The following AHDC1 variants were observed in gnomAD, a reference collection of about 807,000 sequenced individuals.
AHDC1 encodes AT-hook DNA binding motif containing 1, also known as transcription factor Gibbin.
A neutral mutation model predicts 87.9 loss-of-function variants in AHDC1; 7 were observed. That is an observed-to-expected ratio of 0.08 (90% CI 0.05 to 0.15). AHDC1 has a LOEUF of 0.15. Among genes scored for constraint, AHDC1 ranks in the 10% least tolerant of loss-of-function variants. The probability of loss-of-function intolerance (pLI) is 1.00; values close to 1 mark genes in which losing one functional copy is unlikely to be tolerated. For missense variants in AHDC1, 1,841 were observed against 2,253.2 expected, an observed-to-expected ratio of 0.82 and a Z score of 3.70; for synonymous variants, 1,051 against 1,006.8, an observed-to-expected ratio of 1.04 and a Z score of -0.83.
intron 3 of AHDC1, among the ~76,000 whole-genome samples, chr1:27,583,834 C>A (rs953385954): frequency 5.9e-5 from 9 of 152,072 alleles, no homozygotes; most frequent in Non-Finnish European, 1.2e-4. Flanking sequence ...ACATAGTAAC[C>A]ACTAAGTATC....
intron 3 of AHDC1, among the ~76,000 whole-genome samples, chr1:27,587,235 G>A (rs1180750312): frequency 1.3e-5 from 2 of 152,208 alleles, no homozygotes; most frequent in Non-Finnish European, 2.9e-5. Flanking sequence ...CAGTGACCTA[G>A]TAGGAGAGCC....
intron 3 of AHDC1, among the ~76,000 whole-genome samples, chr1:27,568,673 G>A (rs1298163294): frequency 6.6e-6 from 1 of 151,862 alleles, no homozygotes; most frequent in African/African-American, 2.4e-5. Flanking sequence ...CTTCGGACAC[G>A]CCCTCTTCCC....
chr1:27,600,472 A>C (rs1206403966), intron 3 of AHDC1, among the ~76,000 whole-genome samples: 2 of 152,032 alleles, frequency 1.3e-5, no homozygotes, highest in Non-Finnish European at 1.5e-5. Flanking sequence ...CAAAAAAAAA[A>C]AACAAAAAAA....
intron 3 of AHDC1, among the ~76,000 whole-genome samples, chr1:27,592,602 A>C (rs2089257700): frequency 7.4e-6 from 1 of 134,710 alleles, no homozygotes; most frequent in African/African-American, 2.7e-5. Flanking sequence ...CTCTTAGCTG[A>C]GCTGAGGCTG....
rs1025431313 is a variant in AHDC1 at position 27,566,719 on chromosome 1, G to T, written c.-628-7836C>A. Among the ~76,000 whole-genome samples, 3 of 146,890 alleles carry T rather than the reference G, an allele frequency of 2.0e-5. No individual in the cohort carries two copies. The South Asian group carries it at 6.7e-4, about 33-fold the overall frequency. On this transcript the variant is annotated intron_variant, in intron 3 of 8. Coordinates refer to ENST00000673934, the MANE Select transcript of AHDC1 (RefSeq NM_001371928.1). ...GAGGAGGGATGTCATTGCCAGAACT[G>T]GGGGGGGACAGAGGACAGAAATGGA...
At chr1:27,577,270 C>CAAATGATTTG (rs1389053115) in intron 3 of AHDC1, among the ~76,000 whole-genome samples, 1 of 152,202 alleles carries the variant, frequency 6.6e-6, no homozygotes, top group African/African-American at 2.4e-5. Context: ...CGTGGGCATC[C>CAAATGATTTG]AATACAAATC....
intron 3 of AHDC1, among the ~76,000 whole-genome samples, chr1:27,559,816 C>T (rs1159108454): frequency 1.3e-5 from 2 of 152,218 alleles, no homozygotes; most frequent in East Asian, 3.8e-4. Context: ...GAGGTCTGTA[C>T]TGGAGCCCAG....
Position 27,549,497 on chromosome 1 carries a change from C to T in AHDC1, c.2619G>A (p.Gly873=). The T allele has an allele frequency of 6.2e-7, 1 of 1,613,206 alleles. No individual in the cohort carries two copies. Among genetic ancestry groups the T allele is most frequent in the Non-Finnish European group, 8.5e-7 (1 of 1,179,956 alleles). Residue 873 remains glycine, a synonymous_variant, in exon 8 of 9, where the codon GGG becomes GGA. Coordinates refer to ENST00000673934, the MANE Select transcript of AHDC1 (RefSeq NM_001371928.1). The part of the protein sequence containing the change: ...ESRKASGTYA[G]PPTSALPAQR... Reference sequence around the variant, plus strand: ...GGGCAGGCAGGGCACTGGTGGGTGGCCCTGCATAGGTGCCCGATGCCTTCC... The same window carrying T: ...GGGCAGGCAGGGCACTGGTGGGTGGTCCTGCATAGGTGCCCGATGCCTTCC...
At position 27,593,729 on chromosome 1, in the gene AHDC1, C is replaced by T. The variant is rs2089290883; in HGVS notation, c.-629+9668G>A. 6.6e-6 allele frequency among the ~76,000 whole-genome samples: 1 copy of T among 152,244 alleles called. No homozygotes were observed. The highest frequency in any genetic ancestry group is 1.5e-5 in the Non-Finnish European group (1 of 68,034). On this transcript the variant is annotated intron_variant, in intron 3 of 8. Coordinates refer to ENST00000673934, the MANE Select transcript of AHDC1 (RefSeq NM_001371928.1). The surrounding 1 kb of genome is among the most constrained non-coding windows in gnomAD (Gnocchi z 4.9). ...CCCTATCTCACCAATCCCTGCTATC[C>T]CCCCAGGGTGGGCAGACAGCTGGGC...
chr1:27,550,809 G>A lies in AHDC1; in HGVS notation c.1307C>T (p.Pro436Leu), dbSNP rs929138104. 1.9e-6 allele frequency: 3 copies of A among 1,564,702 alleles called. No individual in the cohort carries two copies. The African/African-American group carries it at 4.1e-5, about 21-fold the overall frequency. ...LAEPPPPPPP[P>L]PPALPGPGPV... is the part of the protein sequence containing the mutation. The stretch of plus-strand genomic sequence containing the variant: ...GCCTGGGCCTGGCAGGGCAGGGGGT[G>A]GAGGAGGCGGTGGTGGTGGGGGTTC... Residue 436 changes from proline (P) to leucine (L), a missense_variant, in exon 8 of 9, where the codon CCA becomes CTA. Pro to Leu is a moderately conservative substitution (Grantham distance 98). Around this residue, in one of 13 missense-constraint regions of AHDC1, gnomAD observed 370 missense variants for 391.5 expected, o/e 0.95. Transcript: ENST00000673934.
intron 5 of AHDC1, among the ~76,000 whole-genome samples, chr1:27,556,238 C>T (rs1281642741): frequency 2.7e-5 from 4 of 150,424 alleles, no homozygotes; most frequent in Admixed American, 2.6e-4. Context: ...TCCCCTCCCC[C>T]ACCCACTGCC....
At position 27,548,419 on chromosome 1, in the gene AHDC1, G is replaced by A; in HGVS notation, c.3697C>T (p.Arg1233Cys). ...VLFQSSSKPG[R>C]GRRKKVDLFE... is the part of the protein sequence containing the mutation. The stretch of plus-strand genomic sequence containing the variant: ...AGGTCCACCTTCTTCCGCCGTCCAC[G>A]GCCCGGCTTGGAGCTACTCTGAAAG... The change falls in exon 8 of 9, where the codon CGT becomes TGT. Residue 1233 changes from arginine (R) to cysteine (C), a missense_variant. Arg to Cys is a radical substitution (Grantham distance 180). Coordinates refer to ENST00000673934, the MANE Select transcript of AHDC1 (RefSeq NM_001371928.1). 1.2e-6 allele frequency: 2 copies of A among 1,611,126 alleles called. No homozygotes were observed. The highest frequency in any genetic ancestry group is 8.5e-7 in the Non-Finnish European group (1 of 1,177,800).
chr1:27,590,214 G>A lies in AHDC1; in HGVS notation c.-629+13183C>T, dbSNP rs1203087610. 5.3e-5 allele frequency among the ~76,000 whole-genome samples: 8 copies of A among 152,192 alleles called. No homozygotes were observed. The highest frequency in any genetic ancestry group is 1.2e-4 in the African/African-American group (5 of 41,450). On this transcript the variant is annotated intron_variant, in intron 3 of 8. Coordinates refer to ENST00000673934, the MANE Select transcript of AHDC1 (RefSeq NM_001371928.1). The surrounding 1 kb of genome is among the most constrained non-coding windows in gnomAD (Gnocchi z 5.4). ...AGCAGGCTGCGGGGTTTGGCAGCGC[G>A]CCTGCTGGAGACCCGCCCTCACCCG...
chr1:27,537,289 A>C (rs2018684713), intron 8 of AHDC1, among the ~76,000 whole-genome samples: 1 of 152,150 alleles, frequency 6.6e-6, no homozygotes, highest in African/African-American at 2.4e-5. Flanking sequence ...ACCAAGACCG[A>C]TCTGGTTCCT....
chr1:27,579,503 C>A lies in AHDC1; in HGVS notation c.-628-20620G>T, dbSNP rs2088850904. Among the ~76,000 whole-genome samples the A allele has an allele frequency of 1.2e-4, 18 of 152,286 alleles. 2 individuals carry two copies. In the South Asian group the frequency reaches 3.7e-3, roughly 32 times the overall value. On this transcript the variant is annotated intron_variant, in intron 3 of 8. Transcript: ENST00000673934. The stretch of plus-strand genomic sequence containing the variant: ...TTCATCAATCCCCAATATCTAGATC[C>A]CAGCAAGAGTGTGACTATAGATCAC...
chr1:27,551,655 C>A lies in AHDC1; in HGVS notation c.461G>T (p.Arg154Leu), dbSNP rs778464882. The change falls in exon 8 of 9, where the codon CGC becomes CTC. Residue 154 changes from arginine (R) to leucine (L), a missense_variant. By Grantham distance (102) the Arg-to-Leu change is moderately radical. Transcript: ENST00000673934. ...HLDCGGLRLS[R>L]PPAPPPGDLQ... is the part of the protein sequence containing the mutation. The stretch of plus-strand genomic sequence containing the variant: ...GTCGCCGGGTGGCGGTGCAGGCGGG[C>A]GGCTCAGTCGGAGCCCACCACAGTC... 6.2e-7 allele frequency: 1 copy of A among 1,612,722 alleles called. No individual in the cohort carries two copies. The highest frequency in any genetic ancestry group is 1.1e-5 in the South Asian group (1 of 90,966).
Position 27,549,638 on chromosome 1 carries a change from G to A in AHDC1, c.2478C>T (p.Thr826=), listed in dbSNP as rs370667314. The A allele has an allele frequency of 1.5e-5, 25 of 1,613,024 alleles. No homozygotes were observed. The highest frequency in any genetic ancestry group is 6.6e-5 in the South Asian group (6 of 91,092). ...GGTTTTGGCGCTCCTGGCTGAGCTCGGTCTGGCCTGAGGGTGCACCCGTGC... is the reference window on the plus strand; with the variant it reads ...GGTTTTGGCGCTCCTGGCTGAGCTCAGTCTGGCCTGAGGGTGCACCCGTGC... ...YYSTGAPSGQ[T]ELSQERQNLF... The change falls in exon 8 of 9, where the codon ACC becomes ACT. Residue 826 remains threonine, a synonymous_variant. Transcript: ENST00000673934.
chr1:27,603,871 G>T lies in AHDC1; in HGVS notation c.-862-8C>A. On this transcript the variant is annotated splice_region_variant and splice_polypyrimidine_tract_variant and intron_variant, in intron 1 of 8. Transcript: ENST00000673934. ...CTTTCTCTGCTCTCCAAGCTGGGTG[G>T]GAAAAGGAAATGAGGACAGAAAGCA... 1 of 152,456 alleles carries T rather than the reference G, an allele frequency of 6.6e-6. No homozygotes were observed. The allele number at this position is 152,456 out of a possible 1,614,324, so 9.4% of individuals were successfully genotyped here.
At position 27,550,246 on chromosome 1, in the gene AHDC1, G is replaced by A. The variant is rs777876777; in HGVS notation, c.1870C>T (p.Arg624Cys). The A allele has an allele frequency of 1.7e-5, 28 of 1,613,738 alleles. No homozygotes were observed. The highest frequency in any genetic ancestry group is 1.2e-4 in the Admixed American group (7 of 60,012). ...DVLAKLAFLN[R>C]QSQCAGRCSP... Reference sequence around the variant, plus strand: ...CACCGTCCAGCGCACTGGCTCTGGCGGTTCAGGAAGGCCAGCTTGGCCAGG... The same window carrying A: ...CACCGTCCAGCGCACTGGCTCTGGCAGTTCAGGAAGGCCAGCTTGGCCAGG... The change falls in exon 8 of 9, where the codon CGC becomes TGC. Residue 624 changes from arginine (R) to cysteine (C), a missense_variant. Physicochemically the swap from Arg to Cys is radical, Grantham distance 180. Coordinates refer to ENST00000673934, the MANE Select transcript of AHDC1 (RefSeq NM_001371928.1).
Sources: gnomAD v4.1 joint callset for allele counts (sites outside exome capture counted in the v4.1 genomes callset) on GRCh38, gnomAD v4.1.1 for gene constraint, gnomAD v4.1.1 regional missense constraint, Gnocchi (gnomAD v3.1) non-coding constraint, MANE v1.5 for transcripts, NCBI Gene and HGNC (gene_info 2026-07-23, HGNC 2026-07-21) for gene names.